LIMK2: variants seen among roughly 807,000 people sequenced by gnomAD.
LIMK2 encodes LIM domain kinase 2.
A neutral mutation model predicts 75.7 loss-of-function variants in LIMK2; 35 were observed. The ratio of observed to expected loss-of-function variants is 0.46; its 90% CI spans 0.35 to 0.61. The LOEUF is 0.61. Ranked by LOEUF, LIMK2 falls within the 20% of genes least tolerant of loss-of-function variation. LIMK2 has a pLI of 0.00. For synonymous variants in LIMK2, 301 were observed against 319.2 expected (o/e 0.94, Z 0.61); for missense variants, 623 against 831.0 (o/e 0.75, Z 3.08).
intron 15 of LIMK2, chr22:31,276,813 G>A (rs763917687): frequency 1.9e-6 from 3 of 1,611,266 alleles, no homozygotes; most frequent in Admixed American, 3.3e-5. Context: ...CCGCAGGAGA[G>A]GGCCCGGGCT....
chr22:31,212,501 G>A, intron 1 of LIMK2, 77 bp downstream of exon 1: 1 of 1,292,780 alleles, frequency 7.7e-7, no homozygotes, highest in Non-Finnish European at 9.9e-7. Context: ...GAAACCGGCT[G>A]TCTCTCGGGG....
intron 2 of LIMK2, among the ~76,000 whole-genome samples, chr22:31,240,613 G>A (rs1403113731): frequency 1.3e-5 from 2 of 152,036 alleles, no homozygotes; most frequent in East Asian, 1.9e-4. Flanking sequence ...TAGTAGAGAC[G>A]GGGTTTCACC....
At chr22:31,277,042 C>A in intron 15 of LIMK2, 2 of 1,613,952 alleles carry the variant, frequency 1.2e-6, no homozygotes, top group Non-Finnish European at 1.7e-6. Context: ...GGTCAAGGAG[C>A]TGCTGGTTGA....
chr22:31,230,061 T>C (rs1415001637), intron 2 of LIMK2: 3 of 149,504 alleles, frequency 2.0e-5, no homozygotes, highest in South Asian at 2.1e-4. Context: ...TCTTTCTTTT[T>C]TTTTTTTTTT....
At chr22:31,213,195 A>G (rs1401501150) in intron 1 of LIMK2, among the ~76,000 whole-genome samples, 1 of 152,146 alleles carries the variant, frequency 6.6e-6, no homozygotes, top group Non-Finnish European at 1.5e-5. Flanking sequence ...CCTGGAAGGA[A>G]GAGTTGTCTA....
rs879672083 is a variant in LIMK2 at position 31,212,657 on chromosome 22, C to T, written c.16+233C>T. Among the ~76,000 whole-genome samples the T allele has an allele frequency of 2.6e-5, 4 of 152,000 alleles. 1 individual carries two copies. Among genetic ancestry groups the T allele is most frequent in the Non-Finnish European group, 2.9e-5 (2 of 67,998 alleles). On this transcript the variant is annotated intron_variant, in intron 1 of 15. Transcript: ENST00000331728. ...CCTGGAGACAGAGGGCTCCGAGGGG[C>T]AGGCGGGTTGGGAGGCTTCCCGCGA...
intron 2 of LIMK2, among the ~76,000 whole-genome samples, chr22:31,232,694 C>CA (rs1277167720): frequency 1.3e-5 from 2 of 152,066 alleles, no homozygotes; most frequent in Admixed American, 1.3e-4. Flanking sequence ...ACTATAGCCT[C>CA]AATCTCCCAG....
At chr22:31,248,028 C>T (rs928691025) in intron 2 of LIMK2, among the ~76,000 whole-genome samples, 3 of 151,656 alleles carry the variant, frequency 2.0e-5, no homozygotes, top group Admixed American at 6.6e-5. Context: ...TGTGGCTCTT[C>T]CTGGACCTGG....
intron 14 of LIMK2, 39 bp downstream of exon 14, chr22:31,273,546 C>T: frequency 6.4e-7 from 1 of 1,561,078 alleles, no homozygotes; most frequent in South Asian, 1.1e-5. Flanking sequence ...AGGCAGCAGG[C>T]CTAGCAGCTC....
chr22:31,268,956 G>A (rs750938941), intron 11 of LIMK2, among the ~76,000 whole-genome samples: 16 of 152,198 alleles, frequency 1.1e-4, no homozygotes, highest in Admixed American at 2.6e-4. Context: ...CATCAAGGTC[G>A]CTGTGTTTTA....
chr22:31,240,611 A>G (rs943442527), intron 2 of LIMK2, among the ~76,000 whole-genome samples: 7 of 151,784 alleles, frequency 4.6e-5, no homozygotes, highest in Non-Finnish European at 8.8e-5. Flanking sequence ...TTTAGTAGAG[A>G]CGGGGTTTCA....
rs2048855680 is a variant in LIMK2 at position 31,262,911 on chromosome 22, G to A, written c.854+120G>A. On this transcript the variant is annotated intron_variant, in intron 7 of 15. Transcript: ENST00000331728. The surrounding 1 kb of genome is among the most constrained non-coding windows in gnomAD (Gnocchi z 5.0). ...CCAGCTGGCCAGGGACAGACTATGAGGATTGTGCTGACCCAGCTGCCCCTG... is the reference window on the plus strand; with the variant it reads ...CCAGCTGGCCAGGGACAGACTATGAAGATTGTGCTGACCCAGCTGCCCCTG... 4 of 934,874 alleles carry A rather than the reference G, an allele frequency of 4.3e-6. No individual in the cohort carries two copies. The highest frequency in any genetic ancestry group is 6.2e-6 in the Non-Finnish European group (4 of 640,904). The allele number at this position is 934,874 out of a possible 1,614,324, so 57.9% of individuals were successfully genotyped here. A position where few individuals can be genotyped will look rare whatever the true frequency, so the allele number is the denominator to read the frequency against.
At chr22:31,217,258 C>G (rs1257142682) in intron 1 of LIMK2, among the ~76,000 whole-genome samples, 1 of 121,838 alleles carries the variant, frequency 8.2e-6, no homozygotes, top group Non-Finnish European at 2.0e-5. Context: ...ATTAGCCGGG[C>G]ATGGGGGCAG....
At chr22:31,254,964 AAAAAAAG>A (rs2048763010) in intron 2 of LIMK2, among the ~76,000 whole-genome samples, 1 of 152,006 alleles carries the variant, frequency 6.6e-6, no homozygotes, top group Admixed American at 6.5e-5. Context: ...CATCTCAAAA[AAAAAAAG>A]AAAAAAGAAA....
chr22:31,276,957 AGAG>A lies in LIMK2; in HGVS notation c.1773-1336_1773-1334del, dbSNP rs764010312. 1.5e-5 allele frequency: 25 copies of A among 1,613,790 alleles called. No individual in the cohort carries two copies. In the Middle Eastern group the frequency reaches 9.9e-4, roughly 64 times the overall value. On this transcript the variant is annotated intron_variant, in intron 15 of 15. Coordinates refer to ENST00000331728, the MANE Select transcript of LIMK2 (RefSeq NM_005569.4). Reference sequence around the variant, plus strand: ...TCACGCGCCTCTACGACTGCCAGGAAGAGGAGATCTCAGAACTAGAGATTGACG... The same window carrying A: ...TCACGCGCCTCTACGACTGCCAGGAAGAGATCTCAGAACTAGAGATTGACG...
chr22:31,266,024 C>T lies in LIMK2; in HGVS notation c.933C>T (p.Arg311=), dbSNP rs2229875. ...TGCTGTTCAGCCGTGACATCAGCCG[C>T]TCAGAATCCCTTCGTTGTTCCAGCA... is the stretch of plus-strand genomic sequence containing the variant. ...EPLLFSRDIS[R]SESLRCSSSY... Residue 311 remains arginine, a synonymous_variant, in exon 8 of 16, where the codon CGC becomes CGT. Transcript: ENST00000331728. The T allele has an allele frequency of 6.1e-4, 985 of 1,614,194 alleles. 5 individuals are homozygous for T. The East Asian group carries it at 8.8e-3, about 14-fold the overall frequency.
chr22:31,251,043 C>G (rs1431350189), intron 2 of LIMK2, among the ~76,000 whole-genome samples: 1 of 152,182 alleles, frequency 6.6e-6, no homozygotes, highest in African/African-American at 2.4e-5. Flanking sequence ...CCCATACACC[C>G]CTGCCTGACA....
intron 2 of LIMK2, among the ~76,000 whole-genome samples, chr22:31,245,086 A>T (rs2048656415): frequency 6.6e-6 from 1 of 152,198 alleles, no homozygotes; most frequent in Non-Finnish European, 1.5e-5. Flanking sequence ...CAGGGTGAGC[A>T]CCTGTTCAGT....
At chr22:31,238,064 G>A (rs545760939) in intron 2 of LIMK2, among the ~76,000 whole-genome samples, 25 of 145,716 alleles carry the variant, frequency 1.7e-4, no homozygotes, top group East Asian at 1.1e-3. Flanking sequence ...GTAGTGAGCC[G>A]AGTTTGTGCC....
Sources: gnomAD v4.1 joint callset for allele counts (sites outside exome capture counted in the v4.1 genomes callset) on GRCh38, gnomAD v4.1.1 for gene constraint, Gnocchi (gnomAD v3.1) non-coding constraint, MANE v1.5 for transcripts, NCBI Gene and HGNC (gene_info 2026-07-23, HGNC 2026-07-21) for gene names.